The following NAALADL2 variants were observed in gnomAD, a reference collection of about 807,000 sequenced individuals.
The protein encoded by NAALADL2 is N-acetylated alpha-linked acidic dipeptidase like 2, also known as inactive N-acetylated-alpha-linked acidic dipeptidase-like protein 2.
Under a neutral mutation model 87.2 loss-of-function variants are expected in NAALADL2, and 76 were observed. The observed-to-expected ratio is 0.87, with a 90% CI of 0.72 to 1.05. NAALADL2 has a LOEUF of 1.05. Ranked by LOEUF, NAALADL2 falls within the 50% of genes least tolerant of loss-of-function variation. NAALADL2 has a pLI of 0.00. For synonymous variants in NAALADL2, 354 were observed against 331.0 expected, an observed-to-expected ratio of 1.07 and a Z score of -0.75; for missense variants, 1,089 against 945.8, an observed-to-expected ratio of 1.15 and a Z score of -1.99.
chr3:175,389,959 C>CA (rs1768877125), intron 5 of NAALADL2, among the ~76,000 whole-genome samples: 4 of 151,958 alleles, frequency 2.6e-5, no homozygotes, highest in Admixed American at 2.6e-4. Context: ...GTACTATATG[C>CA]AAAAAGCAGA....
chr3:174,609,603 A>G (rs1350221181), intron 2 of NAALADL2, among the ~76,000 whole-genome samples: 2 of 152,216 alleles, frequency 1.3e-5, no homozygotes, highest in Non-Finnish European at 1.5e-5. Context: ...AATGCAACTT[A>G]CAAGGGACAT....
intron 2 of NAALADL2, among the ~76,000 whole-genome samples, chr3:174,714,258 G>T (rs1442304326): frequency 6.6e-6 from 1 of 152,056 alleles, no homozygotes. Flanking sequence ...TTGTTCTTTT[G>T]GCTTAGGATT....
intron 4 of NAALADL2, among the ~76,000 whole-genome samples, chr3:175,320,377 A>G (rs1047144593): frequency 1.3e-5 from 2 of 152,184 alleles, no homozygotes; most frequent in Admixed American, 6.5e-5. Context: ...GACAGGGTCT[A>G]TTCTCAAAAC....
At chr3:175,788,642 T>C (rs555650105) in intron 13 of NAALADL2, among the ~76,000 whole-genome samples, 1 of 152,300 alleles carries the variant, frequency 6.6e-6, no homozygotes, top group Non-Finnish European at 1.5e-5. Flanking sequence ...CATATAATGA[T>C]GCATTTATCA....
chr3:174,630,441 T>G (rs568454239), intron 2 of NAALADL2, among the ~76,000 whole-genome samples: 12 of 152,226 alleles, frequency 7.9e-5, no homozygotes, highest in Non-Finnish European at 1.5e-4. Context: ...CATAGATTTA[T>G]GATATGTTTA....
At chr3:175,633,972 G>T (rs1477913302) in intron 11 of NAALADL2, among the ~76,000 whole-genome samples, 1 of 151,794 alleles carries the variant, frequency 6.6e-6, no homozygotes, top group Admixed American at 6.6e-5. Context: ...TGTGAAGAAA[G>T]TGTCACAGTG....
chr3:175,083,526 A>G (rs1718291354), intron 1 of NAALADL2, among the ~76,000 whole-genome samples: 1 of 152,208 alleles, frequency 6.6e-6, no homozygotes, highest in Non-Finnish European at 1.5e-5. Context: ...ATCTAGTTTT[A>G]CCTATGAAGA....
At chr3:175,656,254 A>G (rs972881383) in intron 11 of NAALADL2, among the ~76,000 whole-genome samples, 3 of 152,216 alleles carry the variant, frequency 2.0e-5, no homozygotes, top group African/African-American at 7.2e-5. Flanking sequence ...ATATGAGTTG[A>G]AACTCAGAGA....
At chr3:175,222,151 A>T (rs534815550) in intron 2 of NAALADL2, among the ~76,000 whole-genome samples, 1 of 152,186 alleles carries the variant, frequency 6.6e-6, no homozygotes, top group Non-Finnish European at 1.5e-5. Flanking sequence ...TGTAGGTAAG[A>T]GTTGACCATT....
intron 2 of NAALADL2, 55 bp from the exon 3 acceptor site, chr3:175,233,875 CA>C: frequency 2.9e-6 from 3 of 1,024,570 alleles, no homozygotes; most frequent in Non-Finnish European, 4.3e-6. Context: ...AGTCATATCT[CA>C]AAAGAATAAA....
At chr3:175,236,599 ATATT>A (rs1447972891) in intron 3 of NAALADL2, among the ~76,000 whole-genome samples, 80 of 151,624 alleles carry the variant, frequency 5.3e-4, no homozygotes, top group African/African-American at 1.9e-3. Context: ...ATATTAACAG[ATATT>A]GTATACTTCT....
At chr3:175,212,945 G>T (rs976627830) in intron 2 of NAALADL2, among the ~76,000 whole-genome samples, 1 of 152,156 alleles carries the variant, frequency 6.6e-6, no homozygotes, top group East Asian at 1.9e-4. Flanking sequence ...TCTGGAGTGG[G>T]TGAGTGGAGC....
intron 2 of NAALADL2, among the ~76,000 whole-genome samples, chr3:174,722,412 C>A (rs79748202): frequency 6.6e-6 from 1 of 151,950 alleles, no homozygotes; most frequent in Non-Finnish European, 1.5e-5. Flanking sequence ...TGATTAATAA[C>A]GTAGGGTGGG....
chr3:174,855,889 T>C (rs182805730), upstream of NAALADL2, among the ~76,000 whole-genome samples: 29 of 116,860 alleles, frequency 2.5e-4, no homozygotes, highest in East Asian at 5.6e-3. Flanking sequence ...TACATATGAA[T>C]ATATATACAC....
chr3:175,316,226 C>A (rs543225042), intron 4 of NAALADL2, among the ~76,000 whole-genome samples: 1 of 152,212 alleles, frequency 6.6e-6, no homozygotes, highest in South Asian at 2.1e-4. Flanking sequence ...GTAACAGAAG[C>A]CTTGTCAAAG....
chr3:175,540,402 A>G (rs1712099266), intron 9 of NAALADL2, among the ~76,000 whole-genome samples: 1 of 152,226 alleles, frequency 6.6e-6, no homozygotes, highest in South Asian at 2.1e-4. Flanking sequence ...TAATGCCTAC[A>G]CTGGGAGATG....
At chr3:175,603,623 T>C (rs1026384965) in intron 10 of NAALADL2, among the ~76,000 whole-genome samples, 2 of 152,194 alleles carry the variant, frequency 1.3e-5, no homozygotes, top group East Asian at 3.8e-4. Context: ...CCAAGGTTTT[T>C]TCATGTTGTA....
intron 9 of NAALADL2, among the ~76,000 whole-genome samples, chr3:175,509,050 A>G (rs1211168626): frequency 6.6e-6 from 1 of 151,956 alleles, no homozygotes; most frequent in Non-Finnish European, 1.5e-5. Flanking sequence ...CAGGAGACGG[A>G]CGTTGTAGTG....
At chr3:175,272,143 G>A (rs1168373437) in intron 4 of NAALADL2, among the ~76,000 whole-genome samples, 1 of 152,130 alleles carries the variant, frequency 6.6e-6, no homozygotes, top group Non-Finnish European at 1.5e-5. Flanking sequence ...AGAGACTAAG[G>A]AGTTTGTCAT....
Sources: gnomAD v4.1 joint callset for allele counts (sites outside exome capture counted in the v4.1 genomes callset) on GRCh38, gnomAD v4.1.1 for gene constraint, MANE v1.5 for transcripts, NCBI Gene and HGNC (gene_info 2026-07-23, HGNC 2026-07-21) for gene names.